Variants in DIAPH2 observed in about 807,000 individuals in gnomAD.
The protein encoded by DIAPH2 is diaphanous related formin 2.
A neutral mutation model predicts 92.7 loss-of-function variants in DIAPH2; 35 were observed. The observed-to-expected ratio is 0.38, with a 90% CI of 0.29 to 0.50. DIAPH2 has a LOEUF of 0.50. Ranked by LOEUF, DIAPH2 falls within the 20% of genes least tolerant of loss-of-function variation. DIAPH2 has a pLI of 0.94. For synonymous variants in DIAPH2, 301 were observed against 280.4 expected, an observed-to-expected ratio of 1.07 and a Z score of -0.73; for missense variants, 701 against 819.5, an observed-to-expected ratio of 0.86 and a Z score of 1.77.
chrX:97,502,659 T>C lies in DIAPH2; in HGVS notation c.3241+72914T>C, dbSNP rs762247292. Among the ~76,000 whole-genome samples the C allele has an allele frequency of 1.9e-4, 21 of 112,828 alleles. 1 individual carries two copies. The highest frequency in any genetic ancestry group is 6.7e-4 in the African/African-American group (21 of 31,148). ...GCAAAATCTTATTGTTAATTGCAAA[T>C]GTAAGTTGTGACAGTAATTTTTAGT... is the stretch of plus-strand genomic sequence containing the variant. On this transcript the variant is annotated intron_variant, in intron 26 of 26. Coordinates refer to ENST00000324765, the MANE Select transcript of DIAPH2 (RefSeq NM_006729.5).
intron 17 of DIAPH2, among the ~76,000 whole-genome samples, chrX:97,019,470 T>C (rs1007388239): frequency 1.8e-5 from 2 of 110,988 alleles, no homozygotes; most frequent in African/African-American, 6.6e-5. Context: ...CACCACCCAA[T>C]ACAAAATCTA....
Position 96,962,394 on chromosome X carries a change from CAT to C in DIAPH2, c.1936-2691_1936-2690del, listed in dbSNP as rs1411701352. Among the ~76,000 whole-genome samples, 184 of 55,604 alleles carry C rather than the reference CAT, an allele frequency of 3.3e-3. 16 individuals are homozygous for C. The highest frequency in any genetic ancestry group is 0.012 in the African/African-American group (134 of 11,406). 48.3% of individuals were successfully genotyped at this position (55,604 alleles called of 115,157 possible). A position where few individuals can be genotyped will look rare whatever the true frequency, so the allele number is the denominator to read the frequency against. Reference sequence around the variant, plus strand: ...ATATATATATACACATATATATACACATATATATACACATATATATATACACA... The same window carrying C: ...ATATATATATACACATATATATACACATATATACACATATATATATACACA... On this transcript the variant is annotated intron_variant, in intron 16 of 26. Coordinates refer to ENST00000324765, the MANE Select transcript of DIAPH2 (RefSeq NM_006729.5).
chrX:97,530,719 T>C (rs777580326), intron 26 of DIAPH2, among the ~76,000 whole-genome samples: 19 of 109,308 alleles, frequency 1.7e-4, no homozygotes, highest in Non-Finnish European at 1.9e-4. Flanking sequence ...GACTTTTAAA[T>C]TAGCATGATT....
chrX:96,744,022 A>G (rs1306950661), intron 3 of DIAPH2, among the ~76,000 whole-genome samples: 1 of 112,055 alleles, frequency 8.9e-6, no homozygotes, highest in Non-Finnish European at 1.9e-5. Flanking sequence ...TAACAGTATA[A>G]TATAATAGGA....
intron 24 of DIAPH2, among the ~76,000 whole-genome samples, chrX:97,358,279 T>G (rs2069287971): frequency 8.9e-6 from 1 of 111,742 alleles, no homozygotes; most frequent in Non-Finnish European, 1.9e-5. Flanking sequence ...AAGAGCGATT[T>G]TGCCTCCCAA....
intron 23 of DIAPH2, among the ~76,000 whole-genome samples, chrX:97,251,243 C>T (rs888176895): frequency 1.2e-4 from 13 of 111,769 alleles, no homozygotes; most frequent in Admixed American, 3.8e-4. Flanking sequence ...TAAATGAAGA[C>T]TCAAAGAAAC....
intron 4 of DIAPH2, among the ~76,000 whole-genome samples, chrX:96,854,532 A>ACT (rs1278391179): frequency 2.6e-4 from 25 of 94,498 alleles, no homozygotes; most frequent in African/African-American, 9.6e-4. Context: ...CCCTTTATAT[A>ACT]CTCTCTCTCT....
chrX:97,101,508 A>G (rs5966649), intron 20 of DIAPH2, among the ~76,000 whole-genome samples: 5,325 of 109,154 alleles, frequency 0.049, 301 homozygotes, highest in African/African-American at 0.16. Context: ...TCTTAGCTAC[A>G]TGTCTGGGGG....
intron 9 of DIAPH2, among the ~76,000 whole-genome samples, chrX:96,921,520 A>G (rs1433379458): frequency 9.0e-6 from 1 of 111,089 alleles, no homozygotes; most frequent in Admixed American, 9.6e-5. Flanking sequence ...TTTCTAAATT[A>G]CCTTTTACAA....
At position 97,297,209 on chromosome X, in the gene DIAPH2, C is replaced by T. The variant is rs953674420; in HGVS notation, c.2844+49370C>T. Among the ~76,000 whole-genome samples the T allele has an allele frequency of 2.9e-5, 3 of 103,204 alleles. No homozygotes were observed. The Admixed American group carries it at 3.4e-4, about 12-fold the overall frequency. 89.6% of individuals were successfully genotyped at this position (103,204 alleles called of 115,157 possible). On this transcript the variant is annotated intron_variant, in intron 23 of 26. Transcript: ENST00000324765. ...GTCTGACATATAGAAATTACACAAG[C>T]GACAACTCATAAGAGAAACCAGAAC...
chrX:97,230,937 T>G (rs1337447989), intron 22 of DIAPH2, among the ~76,000 whole-genome samples: 1 of 112,126 alleles, frequency 8.9e-6, no homozygotes, highest in Non-Finnish European at 1.9e-5. Context: ...CTCAAAGTGG[T>G]TTAGGTGTCT....
intron 25 of DIAPH2, among the ~76,000 whole-genome samples, chrX:97,403,456 A>G (rs937096484): frequency 2.9e-4 from 33 of 112,192 alleles, no homozygotes; most frequent in African/African-American, 1.0e-3. Flanking sequence ...TCTGATGAAT[A>G]CTTTACATAC....
chrX:96,949,405 T>C (rs2065758509), intron 15 of DIAPH2, among the ~76,000 whole-genome samples: 1 of 110,840 alleles, frequency 9.0e-6, no homozygotes, highest in Admixed American at 9.6e-5. Flanking sequence ...TCTTGAGATC[T>C]CTTTGAATCT....
intron 16 of DIAPH2, among the ~76,000 whole-genome samples, chrX:96,962,815 A>G (rs761691335): frequency 2.7e-5 from 3 of 109,452 alleles, no homozygotes; most frequent in African/African-American, 1.0e-4. Context: ...TTTTCTGTTC[A>G]TTTTGTGTAT....
chrX:97,506,256 T>A (rs1288015011), intron 26 of DIAPH2, among the ~76,000 whole-genome samples: 1 of 99,075 alleles, frequency 1.0e-5, no homozygotes, highest in Non-Finnish European at 2.0e-5. Flanking sequence ...TTCAAGCAAT[T>A]CTCCTGTCTC....
intron 26 of DIAPH2, among the ~76,000 whole-genome samples, chrX:97,521,161 A>G (rs1291446238): frequency 9.0e-6 from 1 of 111,579 alleles, no homozygotes; most frequent in Non-Finnish European, 1.9e-5. Flanking sequence ...GAGAAGGTGC[A>G]GTCTATGAGG....
chrX:97,237,026 T>G (rs937266622), intron 22 of DIAPH2, among the ~76,000 whole-genome samples: 3 of 111,973 alleles, frequency 2.7e-5, no homozygotes, highest in Non-Finnish European at 5.6e-5. Flanking sequence ...CTTTTTGCAG[T>G]ACTATTTACT....
chrX:96,699,783 G>A (rs1449862535), intron 1 of DIAPH2, among the ~76,000 whole-genome samples: 3 of 111,229 alleles, frequency 2.7e-5, no homozygotes, highest in East Asian at 5.6e-4. Flanking sequence ...AATTTTATTT[G>A]CATTTTCTTC....
In DIAPH2 at chrX:96,835,617, A is replaced by T. The variant is rs2064881045; in HGVS notation, c.448-45962A>T. Among the ~76,000 whole-genome samples, 3 of 112,165 alleles carry T rather than the reference A, an allele frequency of 2.7e-5. No homozygotes were observed. In the Admixed American group the frequency reaches 2.8e-4, roughly 11 times the overall value. ...TAAACATTTATTGCCTTGGAAATATATTCTTATAAGATTTTGTTTTAGATT... is the reference window on the plus strand; with the variant it reads ...TAAACATTTATTGCCTTGGAAATATTTTCTTATAAGATTTTGTTTTAGATT... On this transcript the variant is annotated intron_variant, in intron 4 of 26. Transcript: ENST00000324765.
Sources: allele counts gnomAD v4.1 joint callset (sites outside exome capture counted in the v4.1 genomes callset), GRCh38; gene constraint gnomAD v4.1.1; transcripts MANE v1.5; gene names NCBI Gene and HGNC (gene_info 2026-07-23, HGNC 2026-07-21).